MEGF6: variants seen among roughly 807,000 people sequenced by gnomAD.
MEGF6 encodes the protein multiple EGF like domains 6, also known as multiple epidermal growth factor-like domains protein 6.
MEGF6 carries 184 observed loss-of-function variants against 207.1 expected under a neutral mutation model. That is an observed-to-expected ratio of 0.89 (90% CI 0.79 to 1.00). MEGF6 has a LOEUF of 1.00. Ranked by LOEUF, MEGF6 falls within the 50% of genes least tolerant of loss-of-function variation. The pLI, the probability that MEGF6 is intolerant of heterozygous loss-of-function variation, is 0.00. For synonymous variants in MEGF6, 1,038 were observed against 910.0 expected (o/e 1.14, Z -2.53); for missense variants, 2,282 against 2,202.9 (o/e 1.04, Z -0.72).
intron 2 of MEGF6, among the ~76,000 whole-genome samples, chr1:3,599,592 G>A (rs1644126824): frequency 6.6e-6 from 1 of 152,356 alleles, no homozygotes; most frequent in Middle Eastern, 3.4e-3. Context: ...GCCTGGGCAG[G>A]GTGCCTGCCG....
intron 1 of MEGF6, among the ~76,000 whole-genome samples, chr1:3,603,656 G>A (rs1247680985): frequency 1.3e-5 from 2 of 152,058 alleles, no homozygotes; most frequent in African/African-American, 4.8e-5. Flanking sequence ...GGGGCAAGCA[G>A]GTGGCATGGG....
At chr1:3,557,957 G>T (rs1269445532) in intron 4 of MEGF6, among the ~76,000 whole-genome samples, 4 of 152,190 alleles carry the variant, frequency 2.6e-5, no homozygotes, top group Non-Finnish European at 5.9e-5. Flanking sequence ...TTGTTGGGTG[G>T]TCTGCTGTGT....
At position 3,551,204 on chromosome 1, in the gene MEGF6, C is replaced by T. The variant is rs533882093; in HGVS notation, c.482-26958G>A. Among the ~76,000 whole-genome samples the T allele has an allele frequency of 1.0e-3, 152 of 152,296 alleles. 4 individuals are homozygous for T. The South Asian group carries it at 0.031, about 31-fold the overall frequency. ...CAGAGGCTCCGCTTGGGGGTGGCCCCGCCCCATGCAGGTGACAAAGTGTTT... is the reference window on the plus strand; with the variant it reads ...CAGAGGCTCCGCTTGGGGGTGGCCCTGCCCCATGCAGGTGACAAAGTGTTT... On this transcript the variant is annotated intron_variant, in intron 4 of 36. Coordinates refer to ENST00000356575, the MANE Select transcript of MEGF6 (RefSeq NM_001409.4).
chr1:3,519,946 G>A (rs1407044519), intron 5 of MEGF6, among the ~76,000 whole-genome samples: 1 of 152,198 alleles, frequency 6.6e-6, no homozygotes, highest in South Asian at 2.1e-4. Context: ...GTGTGCACAT[G>A]AGTCCATCCA....
the MEGF6 span, among the ~76,000 whole-genome samples, chr1:3,619,861 G>C: frequency 6.6e-6 from 1 of 152,242 alleles, no homozygotes; most frequent in African/African-American, 2.4e-5. Flanking sequence ...ATGGGCAGAG[G>C]TTGGAACAGT....
intron 4 of MEGF6, among the ~76,000 whole-genome samples, chr1:3,537,738 C>T (rs74649444): frequency 0.076 from 11,543 of 152,278 alleles, 596 homozygotes; most frequent in Admixed American, 0.13. Context: ...CCTGGGCACA[C>T]GCATTGGTAA....
At position 3,494,429 on chromosome 1, in the gene MEGF6, C is replaced by G. The variant is rs1421640855; in HGVS notation, c.4071G>C (p.Glu1357Asp). Residue 1357 changes from glutamate to aspartate, a missense_variant, in exon 32 of 37, where the codon GAG becomes GAC. Physicochemically the swap from Glu to Asp is conservative, Grantham distance 45 (BLOSUM62 2). Transcript: ENST00000356575. ...CGCAGCGGCAGGTGCCCGTGGCAGG[C>G]TCACACGTGCTGTTGTTGTGGCAGG... ...ECSCHNNSTC[E>D]PATGTCRCGP... 1.9e-6 allele frequency: 3 copies of G among 1,553,752 alleles called. No individual in the cohort carries two copies. Among genetic ancestry groups the G allele is most frequent in the African/African-American group, 2.7e-5 (2 of 73,226 alleles).
At chr1:3,496,901 G>A in intron 28 of MEGF6, 87 bp downstream of exon 28, 1 of 1,526,548 alleles carries the variant, frequency 6.6e-7, no homozygotes, top group Non-Finnish European at 8.8e-7. Flanking sequence ...CCCCTCAGAT[G>A]AGGGCCTTCC....
intron 3 of MEGF6, 73 bp downstream of exon 3, chr1:3,595,265 G>C: frequency 9.5e-7 from 1 of 1,057,814 alleles, no homozygotes; most frequent in South Asian, 1.3e-5. Context: ...CAGGCCCGGG[G>C]CAGATTCATG....
chr1:3,519,304 A>G (rs940052527), intron 5 of MEGF6, among the ~76,000 whole-genome samples: 3 of 152,196 alleles, frequency 2.0e-5, no homozygotes, highest in African/African-American at 7.2e-5. Context: ...GCAGTGCCCT[A>G]TTGGCCTACC....
intron 3 of MEGF6, among the ~76,000 whole-genome samples, chr1:3,593,243 C>A (rs952123787): frequency 6.6e-6 from 1 of 152,140 alleles, no homozygotes; most frequent in Non-Finnish European, 1.5e-5. Context: ...GCTGAACCAG[C>A]CTCGGGGGAC....
intron 4 of MEGF6, among the ~76,000 whole-genome samples, chr1:3,549,183 T>C (rs1570114909): frequency 6.6e-6 from 1 of 152,220 alleles, no homozygotes; most frequent in South Asian, 2.1e-4. Context: ...GGGGCCCCCG[T>C]GCTCAGCCCA....
intron 5 of MEGF6, among the ~76,000 whole-genome samples, chr1:3,516,500 T>A (rs1641546812): frequency 6.6e-6 from 1 of 152,148 alleles, no homozygotes; most frequent in South Asian, 2.1e-4. Context: ...GCGCCGAGAC[T>A]CTCTCAGAGT....
At position 3,501,833 on chromosome 1, in the gene MEGF6, C is replaced by A. The variant is rs754661680; in HGVS notation, c.2277G>T (p.Arg759=). Residue 759 remains arginine (R), a synonymous_variant, in exon 18 of 37, where the codon CGG becomes CGT. Coordinates refer to ENST00000356575, the MANE Select transcript of MEGF6 (RefSeq NM_001409.4). ...APCHGVTGQC[R]CPPGRTGEDC... ...CTTCCCCAGTCCTCCCCGGCGGACA[C>A]CGGCACTGCCCCGTGACCCCGTGGC... 6 of 1,608,532 alleles carry A rather than the reference C, an allele frequency of 3.7e-6. No individual in the cohort carries two copies. The South Asian group carries it at 4.4e-5, about 12-fold the overall frequency.
chr1:3,511,758 T>C, intron 8 of MEGF6, 71 bp from the exon 9 acceptor site: 1 of 1,555,820 alleles, frequency 6.4e-7, no homozygotes, highest in Non-Finnish European at 8.7e-7. Flanking sequence ...TAGTTACCCC[T>C]ACCTCCACCC....
chr1:3,602,481 A>G lies in MEGF6; in HGVS notation c.251T>C (p.Val84Ala), dbSNP rs1197624772. The G allele has an allele frequency of 1.9e-6, 3 of 1,613,236 alleles. No homozygotes were observed. Among genetic ancestry groups the G allele is most frequent in the Non-Finnish European group, 2.5e-6 (3 of 1,179,866 alleles). ...KAGCGWQAWC[V>A]GHERRTVYYM... ...CTGCACTTACCTCCGCTCATGACCC[A>G]CGCACCACGCCTGCCACCCACAGCC... The change falls in exon 2 of 37, where the codon GTG (valine) becomes GCG (alanine). Residue 84 changes from valine to alanine, a missense_variant. Transcript: ENST00000356575.
At chr1:3,589,263 T>A (rs1479932052) in intron 3 of MEGF6, among the ~76,000 whole-genome samples, 1 of 152,158 alleles carries the variant, frequency 6.6e-6, no homozygotes, top group African/African-American at 2.4e-5. Flanking sequence ...GACACCTTGA[T>A]CTGAGGCTTC....
chr1:3,495,756 G>T, intron 30 of MEGF6, 134 bp downstream of exon 30: 1 of 1,139,316 alleles, frequency 8.8e-7, no homozygotes, highest in Non-Finnish European at 1.2e-6. Flanking sequence ...CAGCCCCAGG[G>T]TCAAGTGGGG....
At chr1:3,580,202 G>A (rs991852121) in intron 3 of MEGF6, among the ~76,000 whole-genome samples, 2 of 150,710 alleles carry the variant, frequency 1.3e-5, no homozygotes, top group Non-Finnish European at 3.0e-5. Flanking sequence ...AGGAGCCAAG[G>A]GCATTTCCTG....
Sources: gnomAD v4.1 joint callset for allele counts (sites outside exome capture counted in the v4.1 genomes callset) on GRCh38, gnomAD v4.1.1 for gene constraint, MANE v1.5 for transcripts, NCBI Gene and HGNC (gene_info 2026-07-23, HGNC 2026-07-21) for gene names.